Variants in ERICH2 observed in about 807,000 individuals in gnomAD.
ERICH2 encodes the protein glutamate rich 2, also known as glutamate-rich protein 2.
In ERICH2, 17 loss-of-function variants were observed where a neutral mutation model predicts 17.4. The observed-to-expected ratio is 0.98, with a 90% CI of 0.67 to 1.47. ERICH2 has a LOEUF of 1.47. Among genes scored for constraint, ERICH2 ranks in the 40% most tolerant of loss-of-function variants. The pLI, the probability that ERICH2 is intolerant of heterozygous loss-of-function variation, is 0.00. For synonymous variants in ERICH2, 51 were observed against 61.1 expected, an observed-to-expected ratio of 0.83 and a Z score of 0.77; for missense variants, 186 against 183.2, an observed-to-expected ratio of 1.01 and a Z score of -0.09.
intron 2 of ERICH2, among the ~76,000 whole-genome samples, chr2:170,790,157 C>A (rs578169171): frequency 7.6e-4 from 115 of 152,246 alleles, no homozygotes; most frequent in African/African-American, 2.6e-3. Flanking sequence ...CCACTTAAAA[C>A]TAAAAAATAT....
At chr2:170,798,020 G>A (rs1701470881) in intron 3 of ERICH2, 21 bp from the exon 9 acceptor site, 3 of 1,514,392 alleles carry the variant, frequency 2.0e-6, no homozygotes, top group East Asian at 4.9e-5. Flanking sequence ...CACACATTCT[G>A]TTGTCCATTT....
At chr2:170,773,398 G>A in the ERICH2 span, among the ~76,000 whole-genome samples, 1 of 152,206 alleles carries the variant, frequency 6.6e-6, no homozygotes. Context: ...TTTCACCTCT[G>A]TCCTTCCAGT....
chr2:170,784,807 C>A, exon 2 of ERICH2: 1 of 1,519,210 alleles, frequency 6.6e-7, no homozygotes, highest in South Asian at 1.3e-5. Context: ...AAAGAATACT[C>A]AGGCCCCACT....
At chr2:170,771,221 C>G in the ERICH2 span, 1 of 154,640 alleles carries the variant, frequency 6.5e-6, no homozygotes, top group Non-Finnish European at 1.5e-5. The surrounding 1 kb of genome is among the most constrained non-coding windows in gnomAD (Gnocchi z 4.8). Context: ...CGGTCTCCCT[C>G]TCCCTAGCCC....
At chr2:170,795,457 A>G (rs1453920869) in intron 3 of ERICH2, among the ~76,000 whole-genome samples, 2 of 152,064 alleles carry the variant, frequency 1.3e-5, no homozygotes, top group African/African-American at 2.4e-5. Flanking sequence ...AAGGGATCCT[A>G]CCACCTCGGC....
rs1412111746 is a variant in ERICH2, at chr2:170,792,938, T to C, written c.274+18T>C. ...TCAGATGAGTAAGTACAAAATACTT[T>C]CATATTTTCTAATCTTCTCTTTGTT... On this transcript the variant is annotated intron_variant, in intron 3 of 4. Coordinates refer to ENST00000409885, the Ensembl canonical transcript of ERICH2. 2.1e-6 allele frequency: 3 copies of C among 1,415,910 alleles called. No homozygotes were observed. 87.7% of individuals were successfully genotyped at this position (1,415,910 alleles called of 1,614,324 possible). A position where few individuals can be genotyped will look rare whatever the true frequency, so the allele number is the denominator to read the frequency against.
the ERICH2 span, among the ~76,000 whole-genome samples, chr2:170,774,925 G>A: frequency 1.4e-3 from 206 of 152,176 alleles, no homozygotes; most frequent in Non-Finnish European, 2.2e-3. Flanking sequence ...GGAATTCAGT[G>A]TAATGAAAGG....
chr2:170,779,888 A>G (rs760277944), upstream of ERICH2: 58 of 969,880 alleles, frequency 6.0e-5, no homozygotes, highest in Admixed American at 1.8e-4. Flanking sequence ...TTCTCAGAAA[A>G]GTAAGTTTTA....
chr2:170,785,402 G>C (rs938877248), intron 2 of ERICH2, among the ~76,000 whole-genome samples: 1 of 152,244 alleles, frequency 6.6e-6, no homozygotes, highest in South Asian at 2.1e-4. Flanking sequence ...TGGTAAAGCT[G>C]AGGCAGGAGT....
chr2:170,796,597 A>G (rs1202410264), intron 3 of ERICH2, among the ~76,000 whole-genome samples: 2 of 151,980 alleles, frequency 1.3e-5, no homozygotes, highest in Non-Finnish European at 2.9e-5. Flanking sequence ...TACCACGCCC[A>G]GCTAATTTTT....
intron 2 of ERICH2, 52 bp from the exon 8 acceptor site, chr2:170,792,811 T>C: frequency 8.7e-7 from 1 of 1,153,158 alleles, no homozygotes; most frequent in Non-Finnish European, 1.2e-6. Context: ...CTAGGGAGTT[T>C]AGAGTTGACA....
At chr2:170,798,377 C>CGGCT (rs1207939706) in intron 4 of ERICH2, among the ~76,000 whole-genome samples, 1 of 152,130 alleles carries the variant, frequency 6.6e-6, no homozygotes, top group Non-Finnish European at 1.5e-5. Context: ...TATGCTAACA[C>CGGCT]GGCTGCGTGT....
At chr2:170,780,035 T>C, upstream of ERICH2, 1 of 167,762 alleles carries the variant, frequency 6.0e-6, no homozygotes, top group Non-Finnish European at 1.2e-5. Context: ...GAGGAAAAAA[T>C]TCTAAAACTT....
chr2:170,784,595 T>C, intron 1 of ERICH2, 51 bp from the exon 7 acceptor site: 1 of 1,224,308 alleles, frequency 8.2e-7, no homozygotes, highest in Non-Finnish European at 1.1e-6. Context: ...CAAAATTTAA[T>C]TTGCGAACTT....
intron 3 of ERICH2, among the ~76,000 whole-genome samples, chr2:170,794,818 G>C (rs1342338942): frequency 6.6e-6 from 1 of 152,240 alleles, no homozygotes; most frequent in African/African-American, 2.4e-5. Context: ...AGTCCCAACT[G>C]TGGATAGAGT....
intron 3 of ERICH2, among the ~76,000 whole-genome samples, chr2:170,795,890 T>C (rs1311388654): frequency 3.3e-5 from 5 of 152,212 alleles, no homozygotes; most frequent in African/African-American, 1.2e-4. Context: ...AATCATCAGT[T>C]GTAAATGTTA....
At position 170,792,849 on chromosome 2, in the gene ERICH2, T is replaced by A; in HGVS notation, c.217-14T>A. The A allele has an allele frequency of 1.3e-6, 2 of 1,487,468 alleles. No individual in the cohort carries two copies. Among genetic ancestry groups the A allele is most frequent in the Non-Finnish European group, 1.8e-6 (2 of 1,110,072 alleles). The allele number at this position is 1,487,468 out of a possible 1,614,324, so 92.1% of individuals were successfully genotyped here. A position where few individuals can be genotyped will look rare whatever the true frequency, so the allele number is the denominator to read the frequency against. On this transcript the variant is annotated splice_polypyrimidine_tract_variant and intron_variant, in intron 2 of 4. Transcript: ENST00000409885. The stretch of plus-strand genomic sequence containing the variant: ...ATTTAAATTCACTTATCTGAAGAAT[T>A]TAATGTTTTCCAGTTTCTGAGAGCA...
upstream of ERICH2, among the ~76,000 whole-genome samples, chr2:170,778,909 T>G (rs1367073029): frequency 2.0e-5 from 3 of 152,154 alleles, no homozygotes; most frequent in African/African-American, 7.2e-5. Flanking sequence ...ACCCCGGGGA[T>G]AAATCAGATG....
At chr2:170,789,956 A>C (rs1463294677) in intron 2 of ERICH2, among the ~76,000 whole-genome samples, 1 of 150,926 alleles carries the variant, frequency 6.6e-6, no homozygotes, top group Non-Finnish European at 1.5e-5. Flanking sequence ...TACTGGTGGA[A>C]CCCAAATTTT....
Sources: allele counts gnomAD v4.1 joint callset (sites outside exome capture counted in the v4.1 genomes callset), GRCh38; gene constraint gnomAD v4.1.1; non-coding constraint Gnocchi (gnomAD v3.1); transcripts MANE v1.5; gene names NCBI Gene and HGNC (gene_info 2026-07-23, HGNC 2026-07-21).